Variants in HS3ST3A1 observed in about 807,000 individuals in gnomAD.
HS3ST3A1 encodes the protein heparan sulfate glucosamine 3-O-sulfotransferase 3A1.
In HS3ST3A1, 19 loss-of-function variants were observed where a neutral mutation model predicts 25.7. The ratio of observed to expected loss-of-function variants is 0.74; its 90% CI spans 0.52 to 1.08. The LOEUF (loss-of-function observed/expected upper bound fraction) is 1.08, where lower values mean the gene tolerates loss of function less well. HS3ST3A1 is among the 50% of genes least tolerant of loss of function. The pLI is 0.00. For synonymous variants in HS3ST3A1, 226 were observed against 278.6 expected (o/e 0.81, Z 1.88); for missense variants, 459 against 594.3 (o/e 0.77, Z 2.37).
chr17:13,497,767 T>G (rs1315644113), intron 1 of HS3ST3A1, among the ~76,000 whole-genome samples: 1 of 152,232 alleles, frequency 6.6e-6, no homozygotes, highest in Non-Finnish European at 1.5e-5. Context: ...TAGATAGAGA[T>G]CTTTAGTTAT....
intron 1 of HS3ST3A1, among the ~76,000 whole-genome samples, chr17:13,575,872 G>A (rs544218107): frequency 1.1e-4 from 17 of 152,342 alleles, no homozygotes; most frequent in Admixed American, 3.3e-4. Flanking sequence ...GATTTACCCT[G>A]CTGTGAACAG....
chr17:13,508,336 T>C (rs1342006112), intron 1 of HS3ST3A1, among the ~76,000 whole-genome samples: 1 of 152,244 alleles, frequency 6.6e-6, no homozygotes, highest in African/African-American at 2.4e-5. Flanking sequence ...TCAAGGACTC[T>C]TGATCGTTAA....
At chr17:13,582,861 C>A (rs1390879359) in intron 1 of HS3ST3A1, among the ~76,000 whole-genome samples, 1 of 152,184 alleles carries the variant, frequency 6.6e-6, no homozygotes, top group Non-Finnish European at 1.5e-5. Flanking sequence ...CAAAGATTCA[C>A]ATTTGCTCTT....
Position 13,601,291 on chromosome 17 carries a change from C to A in HS3ST3A1, c.-162G>T. ...GTCCCGGGAGGCAGCGGCCGGGGCT[C>A]CGCGGGGAAACGGAATCCCGGGGGC... On this transcript the variant is annotated 5_prime_UTR_variant, in exon 1 of 2. Coordinates refer to ENST00000284110, the MANE Select transcript of HS3ST3A1 (RefSeq NM_006042.3). 1.8e-6 allele frequency: 1 copy of A among 543,692 alleles called. No homozygotes were observed. Among genetic ancestry groups the A allele is most frequent in the Non-Finnish European group, 3.1e-6 (1 of 326,292 alleles). 33.7% of individuals were successfully genotyped at this position (543,692 alleles called of 1,614,324 possible).
intron 1 of HS3ST3A1, among the ~76,000 whole-genome samples, chr17:13,575,919 G>A (rs1039154911): frequency 6.6e-6 from 1 of 152,192 alleles, no homozygotes; most frequent in African/African-American, 2.4e-5. Flanking sequence ...AGCAGATAAA[G>A]GTCTTGTCGC....
At chr17:13,498,769 T>C (rs996183634) in intron 1 of HS3ST3A1, among the ~76,000 whole-genome samples, 5 of 152,192 alleles carry the variant, frequency 3.3e-5, no homozygotes, top group African/African-American at 1.2e-4. Flanking sequence ...AGCATAAAAA[T>C]GGACAATTTC....
At chr17:13,599,841 T>C (rs1908672300) in intron 1 of HS3ST3A1, among the ~76,000 whole-genome samples, 1 of 152,244 alleles carries the variant, frequency 6.6e-6, no homozygotes, top group Non-Finnish European at 1.5e-5. Context: ...GAAAAGTTTC[T>C]GTCAGTCAAA....
intron 1 of HS3ST3A1, among the ~76,000 whole-genome samples, chr17:13,530,005 T>TACACACACACACACACAC (rs3220827): frequency 3.4e-5 from 5 of 149,172 alleles, no homozygotes; most frequent in African/African-American, 9.9e-5. Context: ...TTTATGTAAC[T>TACACACACACACACACAC]ACACACACAC....
At chr17:13,576,459 C>G (rs970393481) in intron 1 of HS3ST3A1, among the ~76,000 whole-genome samples, 1 of 152,222 alleles carries the variant, frequency 6.6e-6, no homozygotes. Flanking sequence ...AGACAGAGAA[C>G]GCACTCAAGA....
chr17:13,504,589 G>A (rs1905595550), intron 1 of HS3ST3A1, among the ~76,000 whole-genome samples: 1 of 152,064 alleles, frequency 6.6e-6, no homozygotes, highest in South Asian at 2.1e-4. Flanking sequence ...AAAATTTCTT[G>A]AGCTGTGTCC....
chr17:13,521,969 C>A (rs1906259853), intron 1 of HS3ST3A1, among the ~76,000 whole-genome samples: 1 of 152,172 alleles, frequency 6.6e-6, no homozygotes, highest in South Asian at 2.1e-4. Flanking sequence ...TCCCTCCACT[C>A]CCCCTCTAGG....
At chr17:13,561,888 G>A (rs920575409) in intron 1 of HS3ST3A1, among the ~76,000 whole-genome samples, 2 of 151,816 alleles carry the variant, frequency 1.3e-5, no homozygotes, top group African/African-American at 4.9e-5. Context: ...ACAGACAAAG[G>A]GCAAAAAGAG....
intron 1 of HS3ST3A1, among the ~76,000 whole-genome samples, chr17:13,506,893 C>T (rs1025646459): frequency 1.4e-5 from 2 of 138,894 alleles, no homozygotes; most frequent in Non-Finnish European, 3.1e-5. Context: ...CCTGTCTCTA[C>T]TAAAATACAA....
intron 1 of HS3ST3A1, among the ~76,000 whole-genome samples, chr17:13,594,941 T>G (rs1377854412): frequency 6.6e-6 from 1 of 152,150 alleles, no homozygotes; most frequent in African/African-American, 2.4e-5. Context: ...CCTTCCTGAC[T>G]CCTCCTCCCA....
At position 13,601,052 on chromosome 17, in the gene HS3ST3A1, C is replaced by A. The variant is rs1237864527; in HGVS notation, c.78G>T (p.Leu26Phe). The A allele has an allele frequency of 1.9e-6, 3 of 1,599,662 alleles. No individual in the cohort carries two copies. The African/African-American group carries it at 4.0e-5, about 22-fold the overall frequency. The change falls in exon 1 of 2, where the codon TTG (leucine) becomes TTT (phenylalanine). Residue 26 changes from leucine to phenylalanine, a missense_variant. Physicochemically the swap from Leu to Phe is conservative, Grantham distance 22. Coordinates refer to ENST00000284110, the MANE Select transcript of HS3ST3A1 (RefSeq NM_006042.3). ...ACGTGAGCAGGGAGCAGAGCATCAG[C>A]AAGAACTTCCGGAAGATGCTGCGGG... ...PLSRSIFRKF[L>F]LMLCSLLTSL... is the part of the protein sequence containing the mutation.
intron 1 of HS3ST3A1, among the ~76,000 whole-genome samples, chr17:13,511,591 G>A (rs576504261): frequency 3.2e-4 from 49 of 151,514 alleles, no homozygotes; most frequent in East Asian, 1.5e-3. Context: ...ACATTCGCAC[G>A]TGGAGGTGGA....
At chr17:13,544,572 T>C (rs1907030949) in intron 1 of HS3ST3A1, among the ~76,000 whole-genome samples, 1 of 152,220 alleles carries the variant, frequency 6.6e-6, no homozygotes, top group African/African-American at 2.4e-5. Flanking sequence ...TGTGGATATC[T>C]GGCTCTCATT....
chr17:13,597,393 TC>T (rs1908606372), intron 1 of HS3ST3A1, among the ~76,000 whole-genome samples: 1 of 152,136 alleles, frequency 6.6e-6, no homozygotes, highest in Admixed American at 6.5e-5. Context: ...GGTCCTGACT[TC>T]CAGCAAAGAT....
At chr17:13,578,458 G>C (rs933989529) in intron 1 of HS3ST3A1, among the ~76,000 whole-genome samples, 1 of 150,964 alleles carries the variant, frequency 6.6e-6, no homozygotes, top group Admixed American at 6.6e-5. Flanking sequence ...AGCTACTTGG[G>C]AAGTGCAGGT....
Sources: gnomAD v4.1 joint callset for allele counts (sites outside exome capture counted in the v4.1 genomes callset) on GRCh38, gnomAD v4.1.1 for gene constraint, MANE v1.5 for transcripts, NCBI Gene and HGNC (gene_info 2026-07-23, HGNC 2026-07-21) for gene names.